Variants in PCDHGA9 observed in about 807,000 individuals in gnomAD.
The protein encoded by PCDHGA9 is protocadherin gamma subfamily A, 9.
A neutral mutation model predicts 62.5 loss-of-function variants in PCDHGA9; 37 were observed. The observed-to-expected ratio is 0.59, with a 90% confidence interval of 0.46 to 0.78. PCDHGA9 has a LOEUF of 0.78. Among genes scored for constraint, PCDHGA9 ranks in the 30% least tolerant of loss-of-function variants. The pLI is 0.00. For synonymous variants in PCDHGA9, 459 were observed against 484.6 expected (o/e 0.95, Z 0.69); for missense variants, 1,138 against 1,166.2 (o/e 0.98, Z 0.35).
chr5:141,494,807 C>A lies in PCDHGA9; in HGVS notation c.2425C>A (p.Gln809Lys), dbSNP rs568448786. Residue 809 changes from glutamine to lysine, a missense_variant and splice_region_variant, in exon 2 of 4, where the codon CAA (glutamine) becomes AAA (lysine). Coordinates refer to ENST00000573521, the MANE Select transcript of PCDHGA9 (RefSeq NM_018921.3). ...CCCTTTCCCTCTGTTTTCTCCACAGCAAGCCCCGCCCAACACGGACTGGCG... is the reference window on the plus strand; with the variant it reads ...CCCTTTCCCTCTGTTTTCTCCACAGAAAGCCCCGCCCAACACGGACTGGCG... ...FPIEDTPLVP[Q>K]APPNTDWRFS... The A allele has an allele frequency of 2.5e-5, 40 of 1,614,144 alleles. No individual in the cohort carries two copies. The South Asian group carries it at 4.0e-4, about 16-fold the overall frequency.
intron 2 of PCDHGA9, among the ~76,000 whole-genome samples, chr5:141,500,935 C>A (rs1159997919): frequency 1.3e-5 from 2 of 151,694 alleles, no homozygotes; most frequent in Non-Finnish European, 2.9e-5. Flanking sequence ...GTGGCGCCAT[C>A]TCGGCTCACT....
intron 1 of PCDHGA9, among the ~76,000 whole-genome samples, chr5:141,468,000 C>G (rs1429450909): frequency 6.6e-6 from 1 of 152,028 alleles, no homozygotes; most frequent in East Asian, 1.9e-4. Flanking sequence ...ATTCTTTCTT[C>G]CTCTGTTATA....
At chr5:141,433,123 C>T (rs575738328) in intron 1 of PCDHGA9, 5 of 1,614,116 alleles carry the variant, frequency 3.1e-6, no homozygotes, top group African/African-American at 2.7e-5. Context: ...TTGAAAAAAG[C>T]GAGCCCCTTT....
chr5:141,454,172 C>T (rs1001368287), intron 1 of PCDHGA9, among the ~76,000 whole-genome samples: 4 of 152,126 alleles, frequency 2.6e-5, no homozygotes, highest in Non-Finnish European at 5.9e-5. Context: ...TCTAGAAGGG[C>T]AGCTAAAGGA....
chr5:141,423,970 A>C, intron 1 of PCDHGA9: 1 of 1,143,228 alleles, frequency 8.7e-7, no homozygotes, highest in Non-Finnish European at 1.1e-6. Flanking sequence ...TTCTATTATC[A>C]GTGTATGAGG....
intron 1 of PCDHGA9, chr5:141,408,051 C>G (rs894200228): frequency 3.2e-5 from 41 of 1,264,370 alleles, no homozygotes; most frequent in African/African-American, 1.1e-4. Flanking sequence ...CCACACAGAG[C>G]CTCCCGGCTG....
rs2099425622 is a variant in PCDHGA9, at chr5:141,477,947, T to C, written c.2425-16860T>C. Reference sequence around the variant, plus strand: ...CAATGCCTGGCTCTCCTACAGTCTCTTGGGATCCCCTAACCAGAGCCTTTT... The same window carrying C: ...CAATGCCTGGCTCTCCTACAGTCTCCTGGGATCCCCTAACCAGAGCCTTTT... On this transcript the variant is annotated intron_variant, in intron 1 of 3. Coordinates refer to ENST00000573521, the MANE Select transcript of PCDHGA9 (RefSeq NM_018921.3). The surrounding 1 kb of genome is among the most constrained non-coding windows in gnomAD (Gnocchi z 4.9). 1.9e-6 allele frequency: 3 copies of C among 1,614,132 alleles called. No homozygotes were observed. Among genetic ancestry groups the C allele is most frequent in the Non-Finnish European group, 2.5e-6 (3 of 1,180,018 alleles).
intron 1 of PCDHGA9, among the ~76,000 whole-genome samples, chr5:141,457,343 T>C (rs1372992422): frequency 6.6e-6 from 1 of 152,240 alleles, no homozygotes; most frequent in African/African-American, 2.4e-5. Flanking sequence ...TTACTTACTT[T>C]CATTACCTGG....
rs1370040306 is a variant in PCDHGA9 at position 141,402,843 on chromosome 5, G to C, written c.-110G>C. 3.6e-6 allele frequency: 5 copies of C among 1,399,114 alleles called. No homozygotes were observed. The highest frequency in any genetic ancestry group is 4.7e-6 in the Non-Finnish European group (5 of 1,066,926). 86.7% of individuals were successfully genotyped at this position (1,399,114 alleles called of 1,614,324 possible). A position where few individuals can be genotyped will look rare whatever the true frequency, so the allele number is the denominator to read the frequency against. On this transcript the variant is annotated 5_prime_UTR_variant, in exon 1 of 4. Transcript: ENST00000573521. ...TGCTCCCAGGCTGCAGCAAAACTCA[G>C]CCTCTTTCTTCTAAGGAAAAGATCA... is the stretch of plus-strand genomic sequence containing the variant.
intron 1 of PCDHGA9, chr5:141,415,759 T>TTTG: frequency 3.7e-6 from 5 of 1,352,140 alleles, no homozygotes; most frequent in Non-Finnish European, 4.8e-6. Flanking sequence ...TTTTTTTTTT[T>TTTG]TTTTTTTTTT....
In PCDHGA9 at chr5:141,511,224, G is replaced by T. The variant is rs752401867; in HGVS notation, c.*51G>T. On this transcript the variant is annotated 3_prime_UTR_variant, in exon 4 of 4. Coordinates refer to ENST00000573521, the MANE Select transcript of PCDHGA9 (RefSeq NM_018921.3). ...GGGCGGCCTCTCCCCAACCAGCCCA[G>T]CTTCTCCTTACCTGCACCCAGGCCT... is the stretch of plus-strand genomic sequence containing the variant. 44 of 1,603,158 alleles carry T rather than the reference G, an allele frequency of 2.7e-5. No individual in the cohort carries two copies. Among genetic ancestry groups the T allele is most frequent in the Non-Finnish European group, 3.6e-5 (42 of 1,174,924 alleles).
At chr5:141,408,400 G>A (rs2095097999) in intron 1 of PCDHGA9, 2 of 1,614,052 alleles carry the variant, frequency 1.2e-6, no homozygotes, top group Non-Finnish European at 1.7e-6. Flanking sequence ...CTCGCAAGCT[G>A]CGAGTGAGCG....
intron 1 of PCDHGA9, among the ~76,000 whole-genome samples, chr5:141,450,485 T>A (rs1382219564): frequency 6.6e-6 from 1 of 152,160 alleles, no homozygotes; most frequent in Non-Finnish European, 1.5e-5. Flanking sequence ...GTTTGTTTGT[T>A]TGTCTGTTTG....
chr5:141,433,080 A>T lies in PCDHGA9; in HGVS notation c.2424+27704A>T, dbSNP rs1315049041. 4.3e-6 allele frequency: 7 copies of T among 1,614,174 alleles called. No homozygotes were observed. The East Asian group carries it at 1.6e-4, about 36-fold the overall frequency. ...AGTCACCTGATCTTCCCCCAGCCCA[A>T]CTATGCAGACATGCTCGTCAGCCAG... On this transcript the variant is annotated intron_variant, in intron 1 of 3. Transcript: ENST00000573521.
At position 141,477,210 on chromosome 5, in the gene PCDHGA9, C is replaced by A. The variant is rs780852225; in HGVS notation, c.2425-17597C>A. On this transcript the variant is annotated intron_variant, in intron 1 of 3. Transcript: ENST00000573521. This position sits in a 1 kb window ranked among gnomAD's most constrained non-coding sequence, Gnocchi z 4.9. ...GTGTACAGCCCAGTACCCGAGGATG[C>A]CCCTCTGGGGACTGTCATCGCTTTG... The A allele has an allele frequency of 6.2e-7, 1 of 1,614,142 alleles. No homozygotes were observed. The highest frequency in any genetic ancestry group is 8.5e-7 in the Non-Finnish European group (1 of 1,180,030).
rs1446432461 is a variant in PCDHGA9, at chr5:141,511,005, C to G, written c.2631C>G (p.Ala877=). 6.2e-7 allele frequency: 1 copy of G among 1,614,176 alleles called. No individual in the cohort carries two copies. Among genetic ancestry groups the G allele is most frequent in the Middle Eastern group, 1.6e-4 (1 of 6,062 alleles). ...GGGAGTMGLS[A]RYGPQFTLQH... is the part of the protein sequence containing the mutation. ...GTGCCGGCACCATGGGATTGAGCGC[C>G]CGCTACGGACCCCAGTTCACCCTGC... Residue 877 remains alanine, a synonymous_variant, in exon 4 of 4, where the codon GCC becomes GCG. Coordinates refer to ENST00000573521, the MANE Select transcript of PCDHGA9 (RefSeq NM_018921.3).
Position 141,432,201 on chromosome 5 carries a change from G to T in PCDHGA9, c.2424+26825G>T, listed in dbSNP as rs761075658. On this transcript the variant is annotated intron_variant, in intron 1 of 3. Transcript: ENST00000573521. This position sits in a 1 kb window ranked among gnomAD's most constrained non-coding sequence, Gnocchi z 6.0. ...TCTGTGACCGCCCACGACCCCGACT[G>T]TGAAGAGAACGCCCAGATCACTTAT... 1.8e-5 allele frequency: 29 copies of T among 1,614,092 alleles called. No homozygotes were observed. The South Asian group carries it at 2.9e-4, about 16-fold the overall frequency.
At position 141,403,468 on chromosome 5, in the gene PCDHGA9, C is replaced by G; in HGVS notation, c.516C>G (p.Leu172=). 6.2e-7 allele frequency: 1 copy of G among 1,614,054 alleles called. No individual in the cohort carries two copies. The highest frequency in any genetic ancestry group is 8.5e-7 in the Non-Finnish European group (1 of 1,179,904). ...VGVNSLQSYQ[L]SPNHHFSLNV... ...TGAACTCCCTCCAGAGCTACCAGCT[C>G]AGCCCCAATCACCACTTCTCCCTGA... is the stretch of plus-strand genomic sequence containing the variant. The change falls in exon 1 of 4, where the codon CTC becomes CTG. Residue 172 remains leucine, a synonymous_variant. Coordinates refer to ENST00000573521, the MANE Select transcript of PCDHGA9 (RefSeq NM_018921.3).
intron 1 of PCDHGA9, among the ~76,000 whole-genome samples, chr5:141,455,860 A>T (rs1032468147): frequency 1.4e-5 from 2 of 139,848 alleles, no homozygotes; most frequent in South Asian, 2.3e-4. Context: ...AATTTCTTTT[A>T]TTATTTATTT....
Sources: gnomAD v4.1 joint callset for allele counts (sites outside exome capture counted in the v4.1 genomes callset) on GRCh38, gnomAD v4.1.1 for gene constraint, Gnocchi (gnomAD v3.1) non-coding constraint, MANE v1.5 for transcripts, NCBI Gene and HGNC (gene_info 2026-07-23, HGNC 2026-07-21) for gene names.